The following PLXNA4 variants were observed in gnomAD, a reference collection of about 807,000 sequenced individuals.
PLXNA4 encodes plexin A4.
A neutral mutation model predicts 191.8 loss-of-function variants in PLXNA4; 44 were observed. That is an observed-to-expected ratio of 0.23 (90% confidence interval 0.18 to 0.29). The LOEUF (loss-of-function observed/expected upper bound fraction) is 0.29, where lower values mean the gene tolerates loss of function less well. PLXNA4 is among the 10% of genes least tolerant of loss of function. The pLI, the probability that PLXNA4 is intolerant of heterozygous loss-of-function variation, is 1.00. For missense variants in PLXNA4, 1,800 were observed against 2,488.8 expected, an observed-to-expected ratio of 0.72 and a Z score of 5.89; for synonymous variants, 1,082 against 1,009.5, an observed-to-expected ratio of 1.07 and a Z score of -1.36.
intron 3 of PLXNA4, among the ~76,000 whole-genome samples, chr7:132,315,391 T>G (rs984670074): frequency 5.3e-5 from 8 of 152,188 alleles, no homozygotes; most frequent in African/African-American, 1.7e-4. Context: ...TCACATTGAC[T>G]TTCTAAATTT....
upstream of PLXNA4, among the ~76,000 whole-genome samples, chr7:132,580,927 A>G (rs79123791): frequency 0.019 from 2,851 of 152,272 alleles, 80 homozygotes; most frequent in African/African-American, 0.056. Context: ...GAATATCATC[A>G]GTATCCCACA....
chr7:132,210,980 C>G lies in PLXNA4; in HGVS notation c.2261G>C (p.Arg754Pro), dbSNP rs770256694. 6.2e-7 allele frequency: 1 copy of G among 1,613,264 alleles called. No homozygotes were observed. Among genetic ancestry groups the G allele is most frequent in the South Asian group, 1.1e-5 (1 of 91,050 alleles). ...QGSEQRVPAL[R>P]FNSSSVQCQN... Reference sequence around the variant, plus strand: ...GCACTGTACGCTGGAGCTGTTGAAGCGCAGGGCGGGCACTCGCTGCTCGCT... The same window carrying G: ...GCACTGTACGCTGGAGCTGTTGAAGGGCAGGGCGGGCACTCGCTGCTCGCT... Residue 754 changes from arginine to proline, a missense_variant, in exon 10 of 32, where the codon CGC becomes CCC. Arg to Pro is a moderately radical substitution (Grantham distance 103). Around this residue, in one of 6 missense-constraint regions of PLXNA4, gnomAD observed 1,397 missense variants for 1,880.4 expected, o/e 0.74. Transcript: ENST00000321063.
At chr7:132,133,963 C>A (rs971968239) in intron 30 of PLXNA4, among the ~76,000 whole-genome samples, 1 of 152,152 alleles carries the variant, frequency 6.6e-6, no homozygotes, top group Non-Finnish European at 1.5e-5. Context: ...GCATCATAAA[C>A]CTCAAGGCCT....
chr7:132,641,128 T>C (rs1449955351), intron 2 of PLXNA4, among the ~76,000 whole-genome samples: 2 of 152,258 alleles, frequency 1.3e-5, no homozygotes, highest in Admixed American at 1.3e-4. Context: ...TGCTTGCCTG[T>C]GATACACAAT....
intron 3 of PLXNA4, among the ~76,000 whole-genome samples, chr7:132,356,501 C>G (rs949946497): frequency 9.9e-5 from 15 of 152,194 alleles, no homozygotes; most frequent in African/African-American, 2.9e-4. Context: ...GCTGAAAAAA[C>G]AGCGCCACAT....
intron 3 of PLXNA4, among the ~76,000 whole-genome samples, chr7:132,317,746 G>A (rs949892381): frequency 6.6e-6 from 1 of 152,204 alleles, no homozygotes; most frequent in Admixed American, 6.5e-5. Context: ...TGTGCAACAA[G>A]AGCAAAATGG....
chr7:132,146,469 T>C (rs1795437511), intron 28 of PLXNA4, 41 bp downstream of exon 28: 1 of 1,614,128 alleles, frequency 6.2e-7, no homozygotes, highest in Non-Finnish European at 8.5e-7. Context: ...TCCCTCTCCA[T>C]AGCCTCTGGG....
chr7:132,519,702 A>G (rs916237583), intron 1 of PLXNA4, among the ~76,000 whole-genome samples: 1 of 152,170 alleles, frequency 6.6e-6, no homozygotes, highest in African/African-American at 2.4e-5. Flanking sequence ...CTCTCCTTTC[A>G]TGGTAAAGGG....
At position 132,365,328 on chromosome 7, in the gene PLXNA4, CGTGT is replaced by C. The variant is rs3057957; in HGVS notation, c.1372-67110_1372-67107del. ...CTCCCCCGGTCTTTCCTACGGCCCG[CGTGT>C]GTGTGTGTGTGTGTGTGTGTGTGTG... On this transcript the variant is annotated intron_variant, in intron 3 of 31. Transcript: ENST00000321063. 4.1e-3 allele frequency among the ~76,000 whole-genome samples: 581 copies of C among 143,030 alleles called. 1 individual carries two copies. The highest frequency in any genetic ancestry group is 1.0e-2 in the South Asian group (42 of 4,206). 93.8% of individuals were successfully genotyped at this position (143,030 alleles called of 152,430 possible).
chr7:132,482,120 C>T (rs989112549), intron 3 of PLXNA4, among the ~76,000 whole-genome samples: 8 of 152,202 alleles, frequency 5.3e-5, no homozygotes, highest in African/African-American at 1.9e-4. Flanking sequence ...CAGCCTCCAA[C>T]ATAGCCCCCA....
rs758798267 is a variant in PLXNA4 at position 132,507,737 on chromosome 7, C to T, written c.957G>A (p.Gly319=). ...LLQAAYLSKA[G]AVLGRTLGVH... ...CTCCAAGGGTCCTGCCAAGCACGGC[C>T]CCCGCTTTGGACAGGTAGGCAGCCT... The change falls in exon 2 of 32, where the codon GGG becomes GGA. Residue 319 remains glycine, a synonymous_variant. Coordinates refer to ENST00000321063, the MANE Select transcript of PLXNA4 (RefSeq NM_020911.2). 1.2e-6 allele frequency: 2 copies of T among 1,614,152 alleles called. No homozygotes were observed. The highest frequency in any genetic ancestry group is 2.2e-5 in the East Asian group (1 of 44,882).
chr7:132,648,032 C>G (rs1403375341), intron 1 of PLXNA4, among the ~76,000 whole-genome samples: 1 of 152,114 alleles, frequency 6.6e-6, no homozygotes, highest in Admixed American at 6.5e-5. Context: ...CTCACACACA[C>G]ACAGTCATAT....
chr7:132,333,756 GC>G (rs1247030115), intron 3 of PLXNA4, among the ~76,000 whole-genome samples: 5 of 152,162 alleles, frequency 3.3e-5, no homozygotes, highest in Non-Finnish European at 5.9e-5. Flanking sequence ...TCAGCTCCGG[GC>G]CCCACTTCCC....
intron 1 of PLXNA4, among the ~76,000 whole-genome samples, chr7:132,522,941 G>C (rs1188106559): frequency 6.6e-6 from 1 of 151,938 alleles, no homozygotes; most frequent in African/African-American, 2.4e-5. Context: ...ACCTTGATAG[G>C]CCTTGAAAAC....
At chr7:132,290,396 C>T (rs761113893) in intron 4 of PLXNA4, among the ~76,000 whole-genome samples, 17 of 152,316 alleles carry the variant, frequency 1.1e-4, no homozygotes, top group Middle Eastern at 3.4e-3. Context: ...TGGTAGGGGT[C>T]ACTCCAGGGC....
At chr7:132,624,079 C>G (rs942752411) in intron 2 of PLXNA4, among the ~76,000 whole-genome samples, 1 of 152,178 alleles carries the variant, frequency 6.6e-6, no homozygotes, top group African/African-American at 2.4e-5. Flanking sequence ...TCAGAACCTA[C>G]TATGATGTAG....
intron 30 of PLXNA4, among the ~76,000 whole-genome samples, chr7:132,135,803 T>C: frequency 6.6e-6 from 1 of 152,124 alleles, no homozygotes; most frequent in East Asian, 1.9e-4. Flanking sequence ...CATCATCCTC[T>C]CTCTCAGGTC....
intron 3 of PLXNA4, among the ~76,000 whole-genome samples, chr7:132,425,376 G>C (rs978364122): frequency 8.5e-5 from 13 of 152,184 alleles, no homozygotes; most frequent in Admixed American, 2.6e-4. Context: ...GGCACTGACA[G>C]GGGAATTGGT....
chr7:132,474,948 GAGAT>G, intron 3 of PLXNA4, among the ~76,000 whole-genome samples: 1 of 152,302 alleles, frequency 6.6e-6, no homozygotes, highest in East Asian at 1.9e-4. Context: ...ATTCATAAGA[GAGAT>G]GGAGGGAGGG....
Sources: gnomAD v4.1 joint callset for allele counts (sites outside exome capture counted in the v4.1 genomes callset) on GRCh38, gnomAD v4.1.1 for gene constraint, gnomAD v4.1.1 regional missense constraint, MANE v1.5 for transcripts, NCBI Gene and HGNC (gene_info 2026-07-23, HGNC 2026-07-21) for gene names.